SNX24: variants seen among roughly 807,000 people sequenced by gnomAD.
SNX24 encodes sorting nexin-24.
A neutral mutation model predicts 28.7 loss-of-function variants in SNX24; 22 were observed. That is an observed-to-expected ratio of 0.77 (90% confidence interval 0.55 to 1.10). SNX24 has a LOEUF of 1.10. Among genes scored for constraint, SNX24 ranks in the 50% least tolerant of loss-of-function variants. SNX24 has a pLI of 0.00. For missense variants in SNX24, 221 were observed against 201.1 expected (o/e 1.10, Z -0.60); for synonymous variants, 69 against 71.5 (o/e 0.96, Z 0.18).
At chr5:122,909,671 C>T (rs1757797017) in intron 1 of SNX24, among the ~76,000 whole-genome samples, 1 of 152,170 alleles carries the variant, frequency 6.6e-6, no homozygotes, top group Non-Finnish European at 1.5e-5. Context: ...GACTTCTTGG[C>T]ACTGTCTATG....
intron 1 of SNX24, among the ~76,000 whole-genome samples, chr5:122,912,155 G>A (rs1490507729): frequency 7.3e-6 from 1 of 136,198 alleles, no homozygotes; most frequent in Admixed American, 7.5e-5. Context: ...TTGAGCAGTG[G>A]TTTGTAGTTC....
intron 3 of SNX24, among the ~76,000 whole-genome samples, chr5:122,947,511 T>G (rs1759741492): frequency 6.6e-6 from 1 of 152,168 alleles, no homozygotes; most frequent in South Asian, 2.1e-4. Flanking sequence ...TCTTTACTGT[T>G]TTTGCTCTTT....
At chr5:122,857,692 A>G (rs1755264248) in intron 1 of SNX24, among the ~76,000 whole-genome samples, 1 of 152,200 alleles carries the variant, frequency 6.6e-6, no homozygotes, top group Non-Finnish European at 1.5e-5. Flanking sequence ...TAGTTTGCTA[A>G]GGATAACGGC....
intron 1 of SNX24, among the ~76,000 whole-genome samples, chr5:122,856,954 A>G (rs941846955): frequency 2.0e-5 from 3 of 152,034 alleles, no homozygotes; most frequent in East Asian, 1.9e-4. Context: ...TGACTTTTTA[A>G]TAATAGCCAT....
At chr5:122,946,202 C>A in intron 3 of SNX24, 43 bp downstream of exon 3, 1 of 1,134,984 alleles carries the variant, frequency 8.8e-7, no homozygotes, top group South Asian at 1.4e-5. Context: ...CATAAATAAT[C>A]ATATGTCTTA....
intron 1 of SNX24, among the ~76,000 whole-genome samples, chr5:122,877,683 C>T (rs1443591059): frequency 6.6e-6 from 1 of 152,216 alleles, no homozygotes; most frequent in Non-Finnish European, 1.5e-5. Flanking sequence ...CTTCTGCCTA[C>T]AGGAAGCCTA....
intron 3 of SNX24, among the ~76,000 whole-genome samples, chr5:122,981,452 C>T (rs1761388678): frequency 6.6e-6 from 1 of 152,162 alleles, no homozygotes; most frequent in Admixed American, 6.5e-5. Context: ...GTATAATTTA[C>T]ATAGCATAAA....
intron 5 of SNX24, among the ~76,000 whole-genome samples, chr5:123,020,999 C>T (rs1287064732): frequency 6.6e-6 from 1 of 151,596 alleles, no homozygotes. Context: ...CTCCCTCTTG[C>T]ACCTCCCCTG....
chr5:122,962,237 A>C (rs980946286), intron 3 of SNX24, among the ~76,000 whole-genome samples: 1 of 152,332 alleles, frequency 6.6e-6, no homozygotes, highest in Admixed American at 6.5e-5. Context: ...TAGTGCTACA[A>C]ATAATTTCTT....
chr5:122,981,221 A>G (rs930647790), intron 3 of SNX24, among the ~76,000 whole-genome samples: 1 of 152,228 alleles, frequency 6.6e-6, no homozygotes, highest in Non-Finnish European at 1.5e-5. Flanking sequence ...TTAAAGTGGT[A>G]TGCTTAATTA....
chr5:122,851,401 A>T (rs1754912597), intron 1 of SNX24, among the ~76,000 whole-genome samples: 1 of 152,170 alleles, frequency 6.6e-6, no homozygotes, highest in Non-Finnish European at 1.5e-5. Context: ...TCCTGACCTC[A>T]AGTGATCCAC....
intron 1 of SNX24, among the ~76,000 whole-genome samples, chr5:122,919,714 A>G (rs1758335480): frequency 6.6e-6 from 1 of 152,182 alleles, no homozygotes; most frequent in Admixed American, 6.5e-5. Flanking sequence ...CCTCTTATTC[A>G]CCTGTCAGAG....
At chr5:122,873,430 T>C (rs1226312583) in intron 1 of SNX24, among the ~76,000 whole-genome samples, 1 of 152,118 alleles carries the variant, frequency 6.6e-6, no homozygotes, top group Non-Finnish European at 1.5e-5. Flanking sequence ...GAAATTTAGC[T>C]CAGAGTTTAT....
chr5:122,861,322 A>G (rs1755452012), intron 1 of SNX24, among the ~76,000 whole-genome samples: 1 of 152,188 alleles, frequency 6.6e-6, no homozygotes, highest in African/African-American at 2.4e-5. Flanking sequence ...CCTGGGTGAC[A>G]GAGCGAGACT....
chr5:123,025,477 A>G (rs1762837754), intron 5 of SNX24, among the ~76,000 whole-genome samples: 1 of 152,188 alleles, frequency 6.6e-6, no homozygotes, highest in Admixed American at 6.5e-5. Flanking sequence ...AGACTGAATA[A>G]TATTCCATTG....
chr5:122,943,715 A>G (rs1414170646), intron 2 of SNX24, among the ~76,000 whole-genome samples: 2 of 152,198 alleles, frequency 1.3e-5, no homozygotes, highest in Non-Finnish European at 2.9e-5. Context: ...GCAGTCTGCT[A>G]GGACCATCAT....
At chr5:122,876,509 A>C (rs966158337) in intron 1 of SNX24, among the ~76,000 whole-genome samples, 2 of 152,244 alleles carry the variant, frequency 1.3e-5, no homozygotes, top group Non-Finnish European at 2.9e-5. Flanking sequence ...AAGTTTCAAC[A>C]TTGAAGCAAA....
chr5:122,978,259 G>T lies in SNX24; in HGVS notation c.250-21653G>T, dbSNP rs116279243. ...AGTAGACCAGGGTAAAGAATAACAA[G>T]ATTAGGTTTTGAACTGTTTTGTAAT... is the stretch of plus-strand genomic sequence containing the variant. On this transcript the variant is annotated intron_variant, in intron 3 of 6. Coordinates refer to ENST00000261369, the MANE Select transcript of SNX24 (RefSeq NM_014035.4). Among the ~76,000 whole-genome samples, 1,266 of 152,292 alleles carry T rather than the reference G, an allele frequency of 8.3e-3. 19 individuals carry two copies. Among genetic ancestry groups the T allele is most frequent in the African/African-American group, 0.029 (1,208 of 41,558 alleles).
At chr5:122,925,606 T>G (rs1014467518) in intron 1 of SNX24, among the ~76,000 whole-genome samples, 12 of 152,088 alleles carry the variant, frequency 7.9e-5, no homozygotes, top group Non-Finnish European at 1.8e-4. Flanking sequence ...ATGAACAGTC[T>G]TCTTTGACTA....
Sources: gnomAD v4.1 joint callset for allele counts (sites outside exome capture counted in the v4.1 genomes callset) on GRCh38, gnomAD v4.1.1 for gene constraint, MANE v1.5 for transcripts, NCBI Gene and HGNC (gene_info 2026-07-23, HGNC 2026-07-21) for gene names.